Variants in OR3A2 observed in about 807,000 individuals in gnomAD.
OR3A2 encodes olfactory receptor family 3 subfamily A member 2, also known as olfactory receptor 3A2.
For synonymous variants in OR3A2, 126 were observed against 159.3 expected (o/e 0.79, Z 1.57); for missense variants, 318 against 392.8 (o/e 0.81, Z 1.61).
At chr17:3,303,743 C>CAAAAAA (rs71153338) in intron 3 of OR3A2, among the ~76,000 whole-genome samples, 1 of 106,778 alleles carries the variant, frequency 9.4e-6, no homozygotes, top group Non-Finnish European at 1.8e-5. Flanking sequence ...GACTTCATCT[C>CAAAAAA]AAAAAAAAAA....
In OR3A2 at chr17:3,377,082, T is replaced by C. The variant is rs138281123; in HGVS notation, c.-179+6722A>G. ...TGAAAACTCAGTTTTTCAGCTGCCTTGCAGAGTTTGCAGCGGCAAGCTGCT... is the reference window on the plus strand; with the variant it reads ...TGAAAACTCAGTTTTTCAGCTGCCTCGCAGAGTTTGCAGCGGCAAGCTGCT... On this transcript the variant is annotated intron_variant, in intron 2 of 4. Transcript: ENST00000573491. Among the ~76,000 whole-genome samples the C allele has an allele frequency of 9.1e-4, 138 of 152,338 alleles. 1 individual carries two copies. The East Asian group carries it at 0.019, about 21-fold the overall frequency.
At chr17:3,283,215 C>G (rs2048788000) in intron 1 of OR3A2, among the ~76,000 whole-genome samples, 1 of 152,032 alleles carries the variant, frequency 6.6e-6, no homozygotes, top group South Asian at 2.1e-4. Flanking sequence ...ACATAGGTAC[C>G]CAATATTTCA....
At chr17:3,315,189 T>C (rs1462850055) in intron 3 of OR3A2, among the ~76,000 whole-genome samples, 3 of 152,228 alleles carry the variant, frequency 2.0e-5, no homozygotes, top group African/African-American at 7.2e-5. Flanking sequence ...TTACTCTCCT[T>C]TGGATATGTA....
chr17:3,331,280 A>G (rs908048202), intron 3 of OR3A2, among the ~76,000 whole-genome samples: 1 of 152,022 alleles, frequency 6.6e-6, no homozygotes, highest in Non-Finnish European at 1.5e-5. Context: ...AGATTGGGGA[A>G]GTTCTCCTGG....
intron 3 of OR3A2, chr17:3,291,882 A>T (rs1168277509): frequency 6.2e-7 from 1 of 1,614,188 alleles, no homozygotes; most frequent in Non-Finnish European, 8.5e-7. Flanking sequence ...CCTGCCCTCT[A>T]CAGAGCGAAT....
At chr17:3,386,161 G>T (rs2049774858) in exon 1 of OR3A2, 2 of 398,722 alleles carry the variant, frequency 5.0e-6, no homozygotes, top group Non-Finnish European at 8.8e-6. Context: ...CACCGTCACG[G>T]TCCCCAGGCT....
chr17:3,373,390 A>G (rs549119439), intron 2 of OR3A2, among the ~76,000 whole-genome samples: 5 of 152,198 alleles, frequency 3.3e-5, no homozygotes, highest in Non-Finnish European at 7.3e-5. Context: ...TCAGTAGAGT[A>G]CTGAAGTCCC....
chr17:3,318,970 C>T (rs1424761369), intron 3 of OR3A2, among the ~76,000 whole-genome samples: 2 of 151,980 alleles, frequency 1.3e-5, no homozygotes, highest in Non-Finnish European at 2.9e-5. Context: ...TAAATAAACC[C>T]TATTCTATAG....
intron 2 of OR3A2, among the ~76,000 whole-genome samples, chr17:3,379,916 C>T (rs927283458): frequency 3.9e-5 from 6 of 152,202 alleles, no homozygotes; most frequent in African/African-American, 1.4e-4. Context: ...CCCTCTCCTA[C>T]TCAGTTCTCT....
chr17:3,324,494 CT>C (rs2049153492), intron 3 of OR3A2, among the ~76,000 whole-genome samples: 1 of 152,062 alleles, frequency 6.6e-6, no homozygotes, highest in African/African-American at 2.4e-5. Context: ...GTGGTTTAAT[CT>C]ACCTTTGGTC....
At chr17:3,347,982 T>A (rs965843980) in intron 2 of OR3A2, among the ~76,000 whole-genome samples, 1 of 152,248 alleles carries the variant, frequency 6.6e-6, no homozygotes, top group African/African-American at 2.4e-5. Flanking sequence ...GATTTGCATT[T>A]CTCTGATGGC....
chr17:3,381,747 T>C (rs2049738196), intron 2 of OR3A2, among the ~76,000 whole-genome samples: 1 of 152,194 alleles, frequency 6.6e-6, no homozygotes. Flanking sequence ...TAGAATTCTC[T>C]CCTACTCCTA....
intron 2 of OR3A2, among the ~76,000 whole-genome samples, chr17:3,368,874 G>T (rs1331914293): frequency 2.0e-5 from 3 of 152,152 alleles, no homozygotes; most frequent in Non-Finnish European, 4.4e-5. Context: ...ATGAGCATGG[G>T]ATATGTTTCC....
chr17:3,363,946 T>A (rs1210889984), intron 2 of OR3A2, among the ~76,000 whole-genome samples: 1 of 152,146 alleles, frequency 6.6e-6, no homozygotes, highest in Non-Finnish European at 1.5e-5. Context: ...CTCAATATCA[T>A]GAGAACAGCA....
At chr17:3,329,047 C>A (rs1191962766) in intron 3 of OR3A2, among the ~76,000 whole-genome samples, 2 of 150,760 alleles carry the variant, frequency 1.3e-5, no homozygotes. Context: ...AGCCTTGCAT[C>A]CCAGGGATGA....
chr17:3,278,453 G>A (rs2048755927), exon 2 of OR3A2: 3 of 1,614,084 alleles, frequency 1.9e-6, no homozygotes, highest in African/African-American at 2.7e-5. Context: ...CGTTGGTGAA[G>A]GCACAAGCCA....
intron 2 of OR3A2, among the ~76,000 whole-genome samples, chr17:3,346,663 C>T (rs560490894): frequency 2.6e-5 from 4 of 151,616 alleles, no homozygotes; most frequent in Non-Finnish European, 5.9e-5. Flanking sequence ...TTTTTGTACC[C>T]ATTATCCATC....
Position 3,300,570 on chromosome 17 carries a change from AT to A in OR3A2, c.-84-21418del, listed in dbSNP as rs1597326857. On this transcript the variant is annotated intron_variant, in intron 3 of 4. Transcript: ENST00000573491. Reference sequence around the variant, plus strand: ...TGAGAATCGGTCTCAAAATAAATAAATTAATTAATTAATTAAATAAAATCAC... The same window carrying A: ...TGAGAATCGGTCTCAAAATAAATAAATAATTAATTAATTAAATAAAATCAC... 6.6e-5 allele frequency among the ~76,000 whole-genome samples: 10 copies of A among 152,176 alleles called. No individual in the cohort carries two copies. The East Asian group carries it at 1.5e-3, about 24-fold the overall frequency.
chr17:3,376,172 T>G (rs2049681642), intron 2 of OR3A2, among the ~76,000 whole-genome samples: 1 of 152,238 alleles, frequency 6.6e-6, no homozygotes, highest in Non-Finnish European at 1.5e-5. Flanking sequence ...TTTCTCCTTC[T>G]TTGGAGCAGG....
Sources: allele counts gnomAD v4.1 joint callset (sites outside exome capture counted in the v4.1 genomes callset), GRCh38; gene constraint gnomAD v4.1.1; transcripts MANE v1.5; gene names NCBI Gene and HGNC (gene_info 2026-07-23, HGNC 2026-07-21).